Variants in PIGX observed in about 807,000 individuals in gnomAD.
PIGX encodes the protein phosphatidylinositol glycan anchor biosynthesis class X, also known as GPI alpha-1,4-mannosyltransferase I, stabilizing subunit.
A neutral mutation model predicts 28.7 loss-of-function variants in PIGX; 24 were observed. The ratio of observed to expected loss-of-function variants is 0.84; its 90% CI spans 0.60 to 1.17. The LOEUF is 1.17. Ranked by LOEUF, PIGX falls within the 50% of genes most tolerant of loss-of-function variation. The pLI is 0.00. For missense variants in PIGX, 305 were observed against 317.8 expected, an observed-to-expected ratio of 0.96 and a Z score of 0.31; for synonymous variants, 127 against 121.0, an observed-to-expected ratio of 1.05 and a Z score of -0.33.
rs1560080851 is a variant in PIGX at position 196,732,279 on chromosome 3, TTTTATTTTA to T, written c.633+1191_633+1199del. Among the ~76,000 whole-genome samples the T allele has an allele frequency of 1.6e-3, 98 of 60,262 alleles. 13 individuals are homozygous for T. Among genetic ancestry groups the T allele is most frequent in the African/African-American group, 3.4e-3 (49 of 14,314 alleles). 39.5% of individuals were successfully genotyped at this position (60,262 alleles called of 152,430 possible). On this transcript the variant is annotated intron_variant, in intron 5 of 5. Coordinates refer to ENST00000392391, the MANE Select transcript of PIGX (RefSeq NM_017861.4). Reference sequence around the variant, plus strand: ...ATATTTTATTTTATTTTATTTTTTTTTTTATTTTATTTTTTTTTTTGAGACGGAGTCTCG... The same window carrying T: ...ATATTTTATTTTATTTTATTTTTTTTTTTTTTTTTTTGAGACGGAGTCTCG...
chr3:196,731,176 T>C (rs893265907), intron 5 of PIGX, 84 bp downstream of exon 5: 1 of 746,204 alleles, frequency 1.3e-6, no homozygotes, highest in Non-Finnish European at 2.2e-6. Flanking sequence ...ATTTAAGAGA[T>C]TAGCATTTTT....
intron 4 of PIGX, among the ~76,000 whole-genome samples, chr3:196,730,607 G>A (rs1712708454): frequency 1.3e-5 from 2 of 151,890 alleles, no homozygotes; most frequent in South Asian, 4.2e-4. Context: ...AATTAGCTGG[G>A]TGCAATGGCA....
intron 3 of PIGX, among the ~76,000 whole-genome samples, chr3:196,727,437 C>T (rs1367212024): frequency 6.6e-6 from 1 of 152,034 alleles, no homozygotes; most frequent in Non-Finnish European, 1.5e-5. Flanking sequence ...GAGTGCTGAC[C>T]TTTGCTTTGA....
At chr3:196,732,260 TA>T (rs1273629985) in intron 5 of PIGX, among the ~76,000 whole-genome samples, 13,660 of 59,156 alleles carry the variant, frequency 0.23, 1,551 homozygotes, top group East Asian at 0.32. Context: ...ATATATATTT[TA>T]TTTTATTTTA....
chr3:196,722,661 A>G lies in PIGX; in HGVS notation c.318+105A>G, dbSNP rs112322208. The G allele has an allele frequency of 1.2e-5, 12 of 1,011,680 alleles. No individual in the cohort carries two copies. In the African/African-American group the frequency reaches 1.3e-4, roughly 11 times the overall value. The allele number at this position is 1,011,680 out of a possible 1,614,324, so 62.7% of individuals were successfully genotyped here. ...TTCTTTTCATTTTGTTAAAGTGTATAAAGTGACATTTTTAGAGATAGACTG... is the reference window on the plus strand; with the variant it reads ...TTCTTTTCATTTTGTTAAAGTGTATGAAGTGACATTTTTAGAGATAGACTG... On this transcript the variant is annotated intron_variant, in intron 3 of 5. Coordinates refer to ENST00000392391, the MANE Select transcript of PIGX (RefSeq NM_017861.4).
In PIGX at chr3:196,735,615, A is replaced by G. The variant is rs1712976759; in HGVS notation, c.*1713A>G. The G allele has an allele frequency of 6.6e-6, 1 of 152,224 alleles. No homozygotes were observed. Among genetic ancestry groups the G allele is most frequent in the Non-Finnish European group, 1.5e-5 (1 of 68,042 alleles). The allele number at this position is 152,224 out of a possible 1,614,324, so 9.4% of individuals were successfully genotyped here. A position where few individuals can be genotyped will look rare whatever the true frequency, so the allele number is the denominator to read the frequency against. ...AGAAACAGTGACCTTTAAAATGACT[A>G]AAATTTCAACCCAGTATAGTTTCAT... On this transcript the variant is annotated 3_prime_UTR_variant, in exon 6 of 6. Coordinates refer to ENST00000392391, the MANE Select transcript of PIGX (RefSeq NM_017861.4).
At chr3:196,717,291 ACT>A (rs1175537765) in intron 2 of PIGX, among the ~76,000 whole-genome samples, 1 of 151,860 alleles carries the variant, frequency 6.6e-6, no homozygotes, top group Admixed American at 6.6e-5. Flanking sequence ...ACAGAGTGAG[ACT>A]CTGTCTCAAA....
intron 2 of PIGX, chr3:196,721,138 C>T: frequency 2.9e-6 from 1 of 346,626 alleles, no homozygotes. Context: ...GCCATTATAT[C>T]TTCATTTTTT....
intron 3 of PIGX, chr3:196,726,610 C>CA: frequency 2.2e-6 from 1 of 449,592 alleles, no homozygotes; most frequent in Non-Finnish European, 4.5e-6. Flanking sequence ...ATTTGGAAAC[C>CA]ATGTCATGAG....
intron 2 of PIGX, 139 bp downstream of exon 2, chr3:196,717,060 G>C (rs2108676375): frequency 1.8e-6 from 1 of 561,454 alleles, no homozygotes; most frequent in East Asian, 3.3e-5. Context: ...CAACACTTTG[G>C]GAGGCCGAGG....
At chr3:196,721,587 C>T (rs898500202) in intron 2 of PIGX, among the ~76,000 whole-genome samples, 6 of 151,778 alleles carry the variant, frequency 4.0e-5, no homozygotes, top group Non-Finnish European at 5.9e-5. Flanking sequence ...AGGCACACAT[C>T]ACCATGTCTG....
At chr3:196,715,624 C>T (rs59299642) in intron 1 of PIGX, among the ~76,000 whole-genome samples, 1 of 152,056 alleles carries the variant, frequency 6.6e-6, no homozygotes, top group African/African-American at 2.4e-5. Flanking sequence ...ATGGATTCAG[C>T]AATATTCAAT....
At chr3:196,714,015 T>C (rs1224926788) in intron 1 of PIGX, among the ~76,000 whole-genome samples, 1 of 152,192 alleles carries the variant, frequency 6.6e-6, no homozygotes, top group Non-Finnish European at 1.5e-5. Context: ...ATTTGTAAAT[T>C]AGCCTTTCTC....
intron 3 of PIGX, among the ~76,000 whole-genome samples, chr3:196,725,443 A>G (rs1415683699): frequency 1.3e-5 from 2 of 152,196 alleles, no homozygotes; most frequent in Non-Finnish European, 2.9e-5. Flanking sequence ...TTCCTTGAGA[A>G]TATTTTCAGG....
rs957220868 is a variant in PIGX at position 196,717,028 on chromosome 3, C to T, written c.176+107C>T. On this transcript the variant is annotated intron_variant, in intron 2 of 5. Transcript: ENST00000392391. ...ATAAATTGAAAAATCAGGCCAGATG[C>T]GGTGGCTCTCATCTGTAATCCCAAC... 5.2e-5 allele frequency: 34 copies of T among 658,150 alleles called. No individual in the cohort carries two copies. In the East Asian group the frequency reaches 6.0e-4, roughly 12 times the overall value. 40.8% of individuals were successfully genotyped at this position (658,150 alleles called of 1,614,324 possible). A position where few individuals can be genotyped will look rare whatever the true frequency, so the allele number is the denominator to read the frequency against.
intron 3 of PIGX, among the ~76,000 whole-genome samples, chr3:196,724,461 C>T (rs919972192): frequency 1.3e-5 from 2 of 152,046 alleles, no homozygotes; most frequent in Non-Finnish European, 2.9e-5. Flanking sequence ...AATCACTTAC[C>T]GTGTTCTAAG....
In PIGX at chr3:196,733,879, A is replaced by C; in HGVS notation, c.754A>C (p.Lys252Gln). Reference sequence around the variant, plus strand: ...TACATTGATCCTTGTAGCAGTTTTCAAATATGGCCATTTTTCCCTATAAGT... The same window carrying C: ...TACATTGATCCTTGTAGCAGTTTTCCAATATGGCCATTTTTCCCTATAAGT... Residue 252 changes from lysine (K) to glutamine (Q), a missense_variant, in exon 6 of 6, where the codon AAA becomes CAA. Physicochemically the swap from Lys to Gln is moderately conservative, Grantham distance 53. Coordinates refer to ENST00000392391, the MANE Select transcript of PIGX (RefSeq NM_017861.4). This position sits in a 1 kb window ranked among gnomAD's most constrained non-coding sequence, Gnocchi z 4.3. 1 of 1,604,458 alleles carries C rather than the reference A, an allele frequency of 6.2e-7. No homozygotes were observed.
In PIGX at chr3:196,712,530, G is replaced by T; in HGVS notation, c.-3G>T. 8.6e-7 allele frequency: 1 copy of T among 1,164,796 alleles called. No individual in the cohort carries two copies. The highest frequency in any genetic ancestry group is 1.1e-6 in the Non-Finnish European group (1 of 944,174). The allele number at this position is 1,164,796 out of a possible 1,614,324, so 72.2% of individuals were successfully genotyped here. ...CCCTCTCGGGCGTCCGGCTTCCGGCGTCCTGGCGGCTCGGGTGGCGGCGGT... is the reference window on the plus strand; with the variant it reads ...CCCTCTCGGGCGTCCGGCTTCCGGCTTCCTGGCGGCTCGGGTGGCGGCGGT... On this transcript the variant is annotated 5_prime_UTR_variant, in exon 1 of 6. Transcript: ENST00000392391.
chr3:196,730,874 G>A, intron 4 of PIGX, 118 bp from the exon 5 acceptor site: 1 of 556,780 alleles, frequency 1.8e-6, no homozygotes, highest in Non-Finnish European at 3.3e-6. Context: ...GATGGGTCCA[G>A]ATCATATACA....
Sources: allele counts gnomAD v4.1 joint callset (sites outside exome capture counted in the v4.1 genomes callset), GRCh38; gene constraint gnomAD v4.1.1; non-coding constraint Gnocchi (gnomAD v3.1); transcripts MANE v1.5; gene names NCBI Gene and HGNC (gene_info 2026-07-23, HGNC 2026-07-21).